Variants in SLC44A1 observed in about 807,000 individuals in gnomAD.
SLC44A1 encodes choline transporter-like protein 1.
SLC44A1 carries 26 observed loss-of-function variants against 79.3 expected under a neutral mutation model. The observed-to-expected ratio is 0.33, with a 90% CI of 0.24 to 0.46. The LOEUF (loss-of-function observed/expected upper bound fraction) is 0.46, where lower values mean the gene tolerates loss of function less well. Among genes scored for constraint, SLC44A1 ranks in the 20% least tolerant of loss-of-function variants. The pLI is 1.00. For missense variants in SLC44A1, 688 were observed against 798.1 expected (o/e 0.86, Z 1.66); for synonymous variants, 263 against 286.2 (o/e 0.92, Z 0.82).
At chr9:105,289,812 GT>G (rs11299759) in intron 1 of SLC44A1, among the ~76,000 whole-genome samples, 9,159 of 139,344 alleles carry the variant, frequency 0.066, 886 homozygotes, top group African/African-American at 0.22. Context: ...GTTTTTTTTT[GT>G]TTTTTTTTTT....
chr9:105,291,439 T>C (rs962240573), intron 1 of SLC44A1, among the ~76,000 whole-genome samples: 3 of 152,228 alleles, frequency 2.0e-5, no homozygotes, highest in Non-Finnish European at 4.4e-5. Flanking sequence ...GTGACTATTA[T>C]AGTGGCTTTT....
At chr9:105,288,143 A>C (rs1157826158) in intron 1 of SLC44A1, among the ~76,000 whole-genome samples, 1 of 152,220 alleles carries the variant, frequency 6.6e-6, no homozygotes, top group Non-Finnish European at 1.5e-5. Flanking sequence ...TAATCAGAGC[A>C]TAGATGCAAT....
At position 105,383,641 on chromosome 9, in the gene SLC44A1, T is replaced by A. The variant is rs139819627; in HGVS notation, c.1869+282T>A. Among the ~76,000 whole-genome samples the A allele has an allele frequency of 8.5e-5, 13 of 152,302 alleles. No individual in the cohort carries two copies. The East Asian group carries it at 2.5e-3, about 29-fold the overall frequency. On this transcript the variant is annotated intron_variant, in intron 14 of 15. Transcript: ENST00000374720. The stretch of plus-strand genomic sequence containing the variant: ...CCCCTCTCTCTGTAGTTAGATAGAT[T>A]TGAATTGACTTTTTAAACTAGCTTC...
chr9:105,404,725 C>A (rs1448784995), intron 15 of SLC44A1, among the ~76,000 whole-genome samples: 1 of 152,174 alleles, frequency 6.6e-6, no homozygotes, highest in Non-Finnish European at 1.5e-5. Context: ...AAGGAGACAG[C>A]ATCGTATAAG....
intron 3 of SLC44A1, among the ~76,000 whole-genome samples, chr9:105,310,430 T>A (rs1445490033): frequency 6.6e-6 from 1 of 152,206 alleles, no homozygotes; most frequent in Admixed American, 6.5e-5. Flanking sequence ...TCAAAAGGGC[T>A]ATCATTTTGT....
chr9:105,425,847 C>T (rs1384468292), intron 15 of SLC44A1, among the ~76,000 whole-genome samples: 2 of 151,862 alleles, frequency 1.3e-5, no homozygotes, highest in East Asian at 3.9e-4. Flanking sequence ...AACAAAAAAC[C>T]CTGTATATTT....
rs1199871809 is a variant in SLC44A1, at chr9:105,390,964, T to C, written c.*1908T>C. 2.0e-6 allele frequency: 2 copies of C among 982,608 alleles called. No individual in the cohort carries two copies. Among genetic ancestry groups the C allele is most frequent in the Non-Finnish European group, 2.4e-6 (2 of 827,170 alleles). The allele number at this position is 982,608 out of a possible 1,614,324, so 60.9% of individuals were successfully genotyped here. A position where few individuals can be genotyped will look rare whatever the true frequency, so the allele number is the denominator to read the frequency against. On this transcript the variant is annotated 3_prime_UTR_variant, in exon 16 of 16. Coordinates refer to ENST00000374720, the MANE Select transcript of SLC44A1 (RefSeq NM_080546.5). ...ATGAATATAATTATATAACTAACAA[T>C]TGTCCAAATAGATGAGAGAGCAAAT...
chr9:105,282,764 G>C (rs1160336772), intron 1 of SLC44A1, among the ~76,000 whole-genome samples: 6 of 152,064 alleles, frequency 3.9e-5, no homozygotes, highest in Non-Finnish European at 8.8e-5. Flanking sequence ...GGCCAGGCTG[G>C]TCTTGAACTC....
chr9:105,348,014 C>G (rs768807998), intron 4 of SLC44A1, among the ~76,000 whole-genome samples: 25 of 152,008 alleles, frequency 1.6e-4, no homozygotes, highest in Non-Finnish European at 3.5e-4. Flanking sequence ...ATTTCCTTCT[C>G]TTTAAAGTAG....
intron 15 of SLC44A1, among the ~76,000 whole-genome samples, chr9:105,410,087 C>T (rs977438370): frequency 6.6e-6 from 1 of 151,848 alleles, no homozygotes; most frequent in Non-Finnish European, 1.5e-5. Context: ...AGTAAATTAC[C>T]TCAAAATAGA....
At chr9:105,406,947 C>T (rs1176041370) in intron 15 of SLC44A1, among the ~76,000 whole-genome samples, 1 of 151,834 alleles carries the variant, frequency 6.6e-6, no homozygotes, top group African/African-American at 2.4e-5. Context: ...AAAAGGGAAC[C>T]AAATAGAAAA....
chr9:105,364,946 T>A (rs997886082), intron 10 of SLC44A1, among the ~76,000 whole-genome samples: 2 of 152,232 alleles, frequency 1.3e-5, no homozygotes, highest in Non-Finnish European at 2.9e-5. Flanking sequence ...TCTCATAAAA[T>A]TTATTGCGAT....
intron 4 of SLC44A1, among the ~76,000 whole-genome samples, chr9:105,344,083 A>G (rs1365719562): frequency 6.6e-6 from 1 of 152,218 alleles, no homozygotes; most frequent in Non-Finnish European, 1.5e-5. Flanking sequence ...TAAATTCATT[A>G]GACATCACAA....
intron 15 of SLC44A1, among the ~76,000 whole-genome samples, chr9:105,420,020 GC>G (rs1829224974): frequency 6.6e-6 from 1 of 151,508 alleles, no homozygotes; most frequent in African/African-American, 2.4e-5. Context: ...AGTGCTCCTT[GC>G]CCTGTCTTCT....
intron 2 of SLC44A1, among the ~76,000 whole-genome samples, chr9:105,301,738 G>T (rs942964815): frequency 6.6e-6 from 1 of 152,032 alleles, no homozygotes. Flanking sequence ...ACAAAGTATA[G>T]CAAGGTTAAA....
intron 1 of SLC44A1, among the ~76,000 whole-genome samples, chr9:105,290,404 TTAAA>T (rs1830576248): frequency 6.6e-6 from 1 of 152,178 alleles, no homozygotes; most frequent in African/African-American, 2.4e-5. Flanking sequence ...TTTAAAAAAA[TTAAA>T]TAGTAATTTT....
rs376303651 is a variant in SLC44A1, at chr9:105,372,291, T to C, written c.1495-2307T>C. On this transcript the variant is annotated intron_variant, in intron 12 of 15. Transcript: ENST00000374720. The stretch of plus-strand genomic sequence containing the variant: ...TCAAAATCATACTGTATTTCTGTTT[T>C]GTTTTTCTTTTTTTGGAGATGGAGT... Among the ~76,000 whole-genome samples, 18 of 152,306 alleles carry C rather than the reference T, an allele frequency of 1.2e-4. No homozygotes were observed. The South Asian group carries it at 3.5e-3, about 30-fold the overall frequency.
intron 4 of SLC44A1, among the ~76,000 whole-genome samples, chr9:105,336,812 C>T (rs1245837291): frequency 2.6e-5 from 4 of 152,284 alleles, no homozygotes; most frequent in African/African-American, 4.8e-5. Context: ...TCCATGCCCT[C>T]AGCATAGGAT....
chr9:105,383,057 A>G, intron 13 of SLC44A1, 66 bp from the exon 14 acceptor site: 1 of 1,104,778 alleles, frequency 9.1e-7, no homozygotes, highest in South Asian at 1.3e-5. Context: ...AAGTCTGCAA[A>G]TGGTGAAAAA....
Sources: allele counts gnomAD v4.1 joint callset (sites outside exome capture counted in the v4.1 genomes callset), GRCh38; gene constraint gnomAD v4.1.1; transcripts MANE v1.5; gene names NCBI Gene and HGNC (gene_info 2026-07-23, HGNC 2026-07-21).